The following COL5A2 variants were observed in gnomAD, a reference collection of about 807,000 sequenced individuals.
COL5A2 encodes the protein collagen alpha-2(V) chain.
COL5A2 carries 23 observed loss-of-function variants against 208.2 expected under a neutral mutation model. That is an observed-to-expected ratio of 0.11 (90% confidence interval 0.08 to 0.16). COL5A2 has a LOEUF of 0.16. Among genes scored for constraint, COL5A2 ranks in the 10% least tolerant of loss-of-function variants. COL5A2 has a pLI of 1.00. For synonymous variants in COL5A2, 625 were observed against 628.5 expected, an observed-to-expected ratio of 0.99 and a Z score of 0.08; for missense variants, 1,590 against 1,956.4, an observed-to-expected ratio of 0.81 and a Z score of 3.53.
At chr2:189,250,405 C>G in the COL5A2 span, among the ~76,000 whole-genome samples, 27 of 152,218 alleles carry the variant, frequency 1.8e-4, no homozygotes, top group Non-Finnish European at 3.5e-4. Context: ...AACCCATGCT[C>G]TTAGCCAAGT....
Position 189,045,659 on chromosome 2 carries a change from C to T in COL5A2, c.3309+141G>A, listed in dbSNP as rs1023097935. Reference sequence around the variant, plus strand: ...TCAGACTAAGAAACATATAGTAGTTCATAATTAGCTGTTTACCATTCATTA... The same window carrying T: ...TCAGACTAAGAAACATATAGTAGTTTATAATTAGCTGTTTACCATTCATTA... On this transcript the variant is annotated intron_variant, in intron 46 of 53. Coordinates refer to ENST00000374866, the MANE Select transcript of COL5A2 (RefSeq NM_000393.5). 4.0e-6 allele frequency: 3 copies of T among 740,874 alleles called. No homozygotes were observed. The African/African-American group carries it at 5.2e-5, about 13-fold the overall frequency. The allele number at this position is 740,874 out of a possible 1,614,324, so 45.9% of individuals were successfully genotyped here.
intron 51 of COL5A2, among the ~76,000 whole-genome samples, chr2:189,037,853 T>C (rs1003916491): frequency 1.3e-4 from 20 of 152,190 alleles, no homozygotes; most frequent in African/African-American, 4.6e-4. Flanking sequence ...AAGACACTTA[T>C]AGGTCATGCA....
the COL5A2 span, among the ~76,000 whole-genome samples, chr2:189,290,356 A>G: frequency 6.6e-6 from 1 of 152,216 alleles, no homozygotes; most frequent in Non-Finnish European, 1.5e-5. Context: ...AAATCCAGCA[A>G]TGAATAATTT....
At chr2:189,424,391 T>C in the COL5A2 span, among the ~76,000 whole-genome samples, 1 of 152,190 alleles carries the variant, frequency 6.6e-6, no homozygotes, top group Non-Finnish European at 1.5e-5. Context: ...AAGTTGTCTC[T>C]ATTTGCAGAT....
the COL5A2 span, among the ~76,000 whole-genome samples, chr2:189,415,922 A>G: frequency 2.6e-5 from 4 of 152,214 alleles, no homozygotes; most frequent in African/African-American, 9.6e-5. Flanking sequence ...GGCCTCCCAA[A>G]GTGCTGGGAT....
At chr2:189,307,989 A>C in the COL5A2 span, among the ~76,000 whole-genome samples, 1 of 152,098 alleles carries the variant, frequency 6.6e-6, no homozygotes, top group African/African-American at 2.4e-5. Context: ...TACTTTCTTA[A>C]TAAACTCGCT....
upstream of COL5A2, among the ~76,000 whole-genome samples, chr2:189,182,088 T>C (rs1189471623): frequency 6.6e-6 from 1 of 152,196 alleles, no homozygotes; most frequent in East Asian, 1.9e-4. Flanking sequence ...ACATTACAAT[T>C]TGGAAAAGAC....
the COL5A2 span, among the ~76,000 whole-genome samples, chr2:189,388,461 CAA>C: frequency 7.9e-5 from 12 of 152,216 alleles, no homozygotes; most frequent in South Asian, 1.2e-3. Context: ...GTGTGATAGG[CAA>C]AGAGCCTTGA....
At chr2:189,272,731 G>A in the COL5A2 span, among the ~76,000 whole-genome samples, 1 of 152,018 alleles carries the variant, frequency 6.6e-6, no homozygotes, top group Non-Finnish European at 1.5e-5. Context: ...TGGATTTCCT[G>A]TGATTATACT....
chr2:189,283,582 A>G, the COL5A2 span, among the ~76,000 whole-genome samples: 4 of 152,218 alleles, frequency 2.6e-5, no homozygotes, highest in Admixed American at 6.5e-5. Flanking sequence ...TGATGACTAC[A>G]TGTAATGTGG....
At chr2:189,412,717 CA>C in the COL5A2 span, among the ~76,000 whole-genome samples, 1 of 152,194 alleles carries the variant, frequency 6.6e-6, no homozygotes, top group African/African-American at 2.4e-5. Flanking sequence ...AATTGCCAAT[CA>C]ATTGATAGTA....
At chr2:189,382,369 T>C in the COL5A2 span, among the ~76,000 whole-genome samples, 2 of 151,836 alleles carry the variant, frequency 1.3e-5, no homozygotes, top group East Asian at 3.9e-4. Context: ...AAAAATAAAA[T>C]AAAATAAAAA....
chr2:189,330,779 A>G, the COL5A2 span, among the ~76,000 whole-genome samples: 2 of 152,346 alleles, frequency 1.3e-5, no homozygotes, highest in African/African-American at 4.8e-5. Flanking sequence ...ATTACAGACT[A>G]CATTGACATA....
At chr2:189,302,497 T>TTA in the COL5A2 span, among the ~76,000 whole-genome samples, 4 of 152,128 alleles carry the variant, frequency 2.6e-5, no homozygotes, top group Admixed American at 1.3e-4. Context: ...TCCTATTTTC[T>TTA]TATAGGTCAT....
the COL5A2 span, among the ~76,000 whole-genome samples, chr2:189,326,001 G>C: frequency 6.6e-6 from 1 of 151,630 alleles, no homozygotes; most frequent in Admixed American, 6.6e-5. Flanking sequence ...GGAGGCTGAG[G>C]CAGGAGAATT....
chr2:189,088,836 A>G, intron 7 of COL5A2, 64 bp from the exon 8 acceptor site: 1 of 1,168,830 alleles, frequency 8.6e-7, no homozygotes, highest in Admixed American at 1.7e-5. Context: ...TCCTTTTCAT[A>G]TGGATAAATG....
In COL5A2 at chr2:189,130,521, T is replaced by C. The variant is rs546933075; in HGVS notation, c.98-20072A>G. Reference sequence around the variant, plus strand: ...AAGCAGGGTATCTATGTGTTGTTCATAGCTGTACCCCTTACACCTAGCAAG... The same window carrying C: ...AAGCAGGGTATCTATGTGTTGTTCACAGCTGTACCCCTTACACCTAGCAAG... On this transcript the variant is annotated intron_variant, in intron 1 of 53. Coordinates refer to ENST00000374866, the MANE Select transcript of COL5A2 (RefSeq NM_000393.5). Among the ~76,000 whole-genome samples the C allele has an allele frequency of 3.0e-4, 46 of 152,180 alleles. No individual in the cohort carries two copies. The South Asian group carries it at 7.0e-3, about 23-fold the overall frequency.
At chr2:189,163,104 T>C (rs953768687) in intron 1 of COL5A2, among the ~76,000 whole-genome samples, 3 of 152,086 alleles carry the variant, frequency 2.0e-5, no homozygotes, top group African/African-American at 7.2e-5. Context: ...CCCACAACCA[T>C]TTAATAATAA....
the COL5A2 span, among the ~76,000 whole-genome samples, chr2:189,245,488 T>G: frequency 6.7e-6 from 1 of 149,886 alleles, no homozygotes; most frequent in African/African-American, 2.5e-5. Flanking sequence ...CAAAATTTTT[T>G]TTTTTTTTTT....
Sources: allele counts gnomAD v4.1 joint callset (sites outside exome capture counted in the v4.1 genomes callset), GRCh38; gene constraint gnomAD v4.1.1; transcripts MANE v1.5; gene names NCBI Gene and HGNC (gene_info 2026-07-23, HGNC 2026-07-21).